Variants in PLCL1 observed in about 807,000 individuals in gnomAD.
The protein encoded by PLCL1 is inactive phospholipase C-like protein 1.
In PLCL1, 41 loss-of-function variants were observed where a neutral mutation model predicts 84.4. That is an observed-to-expected ratio of 0.49 (90% CI 0.38 to 0.63). The LOEUF (loss-of-function observed/expected upper bound fraction) is 0.63, where lower values mean the gene tolerates loss of function less well. PLCL1 is among the 30% of genes least tolerant of loss of function. The pLI, the probability that PLCL1 is intolerant of heterozygous loss-of-function variation, is 0.00. For synonymous variants in PLCL1, 490 were observed against 488.3 expected, an observed-to-expected ratio of 1.00 and a Z score of -0.05; for missense variants, 1,206 against 1,367.8, an observed-to-expected ratio of 0.88 and a Z score of 1.87.
At chr2:198,055,329 C>CTCTCTCTCTCTCTCTCTCTCTCTG (rs374518934) in intron 1 of PLCL1, among the ~76,000 whole-genome samples, 2 of 112,270 alleles carry the variant, frequency 1.8e-5, no homozygotes, top group African/African-American at 7.0e-5. Context: ...CTCTCTCTCT[C>CTCTCTCTCTCTCTCTCTCTCTCTG]TGTGTGTGTG....
chr2:197,941,755 C>T (rs915718787), intron 1 of PLCL1, among the ~76,000 whole-genome samples: 2 of 151,740 alleles, frequency 1.3e-5, no homozygotes, highest in Admixed American at 6.6e-5. Context: ...ATTCTGCTTT[C>T]TCTCTCTCTC....
intron 5 of PLCL1, among the ~76,000 whole-genome samples, chr2:198,111,787 T>A (rs1288036564): frequency 6.6e-6 from 1 of 151,926 alleles, no homozygotes; most frequent in African/African-American, 2.4e-5. Context: ...CACTATGCTA[T>A]ATTGTCAAAA....
intron 1 of PLCL1, among the ~76,000 whole-genome samples, chr2:197,995,223 TTCC>T (rs1690432881): frequency 1.3e-5 from 2 of 152,188 alleles, no homozygotes; most frequent in Admixed American, 1.3e-4. Flanking sequence ...TTTCTGTTAT[TTCC>T]TATGAATCTC....
intron 1 of PLCL1, among the ~76,000 whole-genome samples, chr2:197,927,093 C>A (rs1447867407): frequency 6.6e-6 from 1 of 152,190 alleles, no homozygotes; most frequent in Non-Finnish European, 1.5e-5. Context: ...TTCTTAGGAT[C>A]TAGGCTCTGA....
Position 198,101,282 on chromosome 2 carries a change from C to T in PLCL1, c.2920-3C>T. 1 of 1,576,490 alleles carries T rather than the reference C, an allele frequency of 6.3e-7. No homozygotes were observed. Among genetic ancestry groups the T allele is most frequent in the East Asian group, 2.2e-5 (1 of 44,580 alleles). ...CACCTTTTTGATGTTTATTTTGTAA[C>T]AGATGATTCAAGAGAGCCGGTTTCT... On this transcript the variant is annotated splice_region_variant and splice_polypyrimidine_tract_variant and intron_variant, in intron 3 of 5. Coordinates refer to ENST00000428675, the MANE Select transcript of PLCL1 (RefSeq NM_006226.4).
chr2:197,831,934 A>C (rs781017300), intron 1 of PLCL1, among the ~76,000 whole-genome samples: 10 of 152,244 alleles, frequency 6.6e-5, no homozygotes, highest in Non-Finnish European at 1.5e-4. Context: ...TAAGGCAGAA[A>C]TAAATAAGTT....
intron 5 of PLCL1, among the ~76,000 whole-genome samples, chr2:198,127,186 A>G (rs559455443): frequency 8.1e-4 from 124 of 152,240 alleles, no homozygotes; most frequent in Non-Finnish European, 1.5e-3. Flanking sequence ...TTCCATCCAC[A>G]TACCCTCTTT....
intron 5 of PLCL1, among the ~76,000 whole-genome samples, chr2:198,116,875 G>C (rs1476383473): frequency 1.3e-5 from 2 of 151,852 alleles, no homozygotes; most frequent in Admixed American, 6.6e-5. Flanking sequence ...TAAAGTCTTT[G>C]AGTGTTTATT....
intron 1 of PLCL1, among the ~76,000 whole-genome samples, chr2:197,875,745 G>T (rs1036372061): frequency 6.6e-6 from 1 of 151,600 alleles, no homozygotes; most frequent in East Asian, 1.9e-4. Context: ...AAAAACCGTA[G>T]AACTGCTACC....
intron 1 of PLCL1, among the ~76,000 whole-genome samples, chr2:198,046,657 G>GA (rs760120486): frequency 4.2e-4 from 64 of 152,218 alleles, no homozygotes; most frequent in South Asian, 1.5e-3. Context: ...GGGCAACGTG[G>GA]TAAAATCCTG....
chr2:197,809,405 C>T (rs78593691), intron 1 of PLCL1, among the ~76,000 whole-genome samples: 1,799 of 152,306 alleles, frequency 0.012, 36 homozygotes, highest in African/African-American at 0.041. Flanking sequence ...ACAGCCCGAA[C>T]ACGTGAGATA....
At chr2:197,936,369 A>G (rs1689055834) in intron 1 of PLCL1, among the ~76,000 whole-genome samples, 1 of 152,120 alleles carries the variant, frequency 6.6e-6, no homozygotes, top group African/African-American at 2.4e-5. Context: ...ATTAATTTAT[A>G]TTTCCACCAA....
chr2:198,021,648 A>T (rs1244756101), intron 1 of PLCL1, among the ~76,000 whole-genome samples: 1 of 152,214 alleles, frequency 6.6e-6, no homozygotes, highest in Non-Finnish European at 1.5e-5. Flanking sequence ...TTCTAGAAGA[A>T]ATGGATAAAT....
intron 1 of PLCL1, among the ~76,000 whole-genome samples, chr2:197,862,648 T>TG (rs1164807264): frequency 6.6e-6 from 1 of 152,172 alleles, no homozygotes; most frequent in Non-Finnish European, 1.5e-5. Context: ...ACACTTTAGT[T>TG]GTAATAGTTT....
intron 1 of PLCL1, among the ~76,000 whole-genome samples, chr2:197,892,682 T>C (rs1688053485): frequency 6.6e-6 from 1 of 152,200 alleles, no homozygotes; most frequent in Non-Finnish European, 1.5e-5. Context: ...ATGTAATTAA[T>C]AACTAAAACA....
rs1352013501 is a variant in PLCL1 at position 198,086,281 on chromosome 2, C to T, written c.2715+49C>T. 3.2e-6 allele frequency: 4 copies of T among 1,265,418 alleles called. No homozygotes were observed. In the East Asian group the frequency reaches 9.3e-5, roughly 30 times the overall value. 78.4% of individuals were successfully genotyped at this position (1,265,418 alleles called of 1,614,324 possible). A position where few individuals can be genotyped will look rare whatever the true frequency, so the allele number is the denominator to read the frequency against. ...CTTCCCTATCCCTGCTTATTCCTAC[C>T]CGTATAATGTTTTATTAATAATCTG... is the stretch of plus-strand genomic sequence containing the variant. On this transcript the variant is annotated intron_variant, in intron 2 of 5. Coordinates refer to ENST00000428675, the MANE Select transcript of PLCL1 (RefSeq NM_006226.4).
intron 1 of PLCL1, among the ~76,000 whole-genome samples, chr2:197,918,135 G>A (rs991062374): frequency 1.2e-4 from 19 of 152,284 alleles, no homozygotes; most frequent in African/African-American, 4.6e-4. Context: ...CACTTGATAT[G>A]ATAAAAATGG....
chr2:197,921,321 G>A (rs1181194504), intron 1 of PLCL1, among the ~76,000 whole-genome samples: 1 of 152,182 alleles, frequency 6.6e-6, no homozygotes, highest in Non-Finnish European at 1.5e-5. Context: ...GTTGCTGAGT[G>A]TTACTTATAA....
intron 1 of PLCL1, among the ~76,000 whole-genome samples, chr2:197,978,082 T>C (rs994602431): frequency 5.3e-5 from 8 of 152,254 alleles, no homozygotes; most frequent in African/African-American, 1.9e-4. Context: ...TAACTCTGTA[T>C]GATATTTTTT....
Sources: allele counts gnomAD v4.1 joint callset (sites outside exome capture counted in the v4.1 genomes callset), GRCh38; gene constraint gnomAD v4.1.1; transcripts MANE v1.5; gene names NCBI Gene and HGNC (gene_info 2026-07-23, HGNC 2026-07-21).